The following PLXNC1 variants were observed in gnomAD, a reference collection of about 807,000 sequenced individuals.
PLXNC1 encodes plexin C1, also known as plexin-C1.
In PLXNC1, 75 loss-of-function variants were observed where a neutral mutation model predicts 178.2. The ratio of observed to expected loss-of-function variants is 0.42; its 90% CI spans 0.35 to 0.51. The LOEUF is 0.51. PLXNC1 is among the 20% of genes least tolerant of loss of function. The pLI is 0.02. For synonymous variants in PLXNC1, 790 were observed against 779.9 expected (o/e 1.01, Z -0.22); for missense variants, 1,503 against 1,984.4 (o/e 0.76, Z 4.61).
intron 1 of PLXNC1, among the ~76,000 whole-genome samples, chr12:94,162,855 A>G (rs1279432878): frequency 6.6e-6 from 1 of 152,194 alleles, no homozygotes; most frequent in Non-Finnish European, 1.5e-5. Flanking sequence ...GGTTCTTAAC[A>G]GGGGATAATG....
At chr12:94,230,864 C>T (rs1196253662) in intron 9 of PLXNC1, among the ~76,000 whole-genome samples, 2 of 152,186 alleles carry the variant, frequency 1.3e-5, no homozygotes, top group Non-Finnish European at 2.9e-5. Flanking sequence ...TCCTAGGCGT[C>T]TAGGATCCTG....
At chr12:94,219,911 A>G in intron 5 of PLXNC1, 105 bp from the exon 6 acceptor site, 1 of 938,208 alleles carries the variant, frequency 1.1e-6, no homozygotes, top group Non-Finnish European at 1.6e-6. Context: ...CTTCTGAGAA[A>G]TTCTCCCTCC....
chr12:94,183,784 C>T (rs1234470759), intron 3 of PLXNC1, among the ~76,000 whole-genome samples: 2 of 152,184 alleles, frequency 1.3e-5, no homozygotes, highest in South Asian at 2.1e-4. Context: ...GTTCTAGCCT[C>T]TGATCATTCA....
chr12:94,185,365 A>G (rs1392056736), intron 3 of PLXNC1, among the ~76,000 whole-genome samples: 1 of 152,198 alleles, frequency 6.6e-6, no homozygotes, highest in Non-Finnish European at 1.5e-5. Flanking sequence ...TAACCTGCTA[A>G]AGAAGTTATT....
At chr12:94,238,602 A>G (rs1964303077) in intron 10 of PLXNC1, among the ~76,000 whole-genome samples, 1 of 152,248 alleles carries the variant, frequency 6.6e-6, no homozygotes, top group African/African-American at 2.4e-5. Flanking sequence ...AAGATGTTAC[A>G]GTCTACATAG....
At chr12:94,168,708 A>T (rs546684240) in intron 1 of PLXNC1, among the ~76,000 whole-genome samples, 1 of 152,286 alleles carries the variant, frequency 6.6e-6, no homozygotes, top group East Asian at 1.9e-4. Flanking sequence ...ACCCAACAGG[A>T]TCGTCCGTGT....
At chr12:94,186,299 C>A in intron 3 of PLXNC1, 74 bp from the exon 4 acceptor site, 1 of 1,065,814 alleles carries the variant, frequency 9.4e-7, no homozygotes, top group African/African-American at 1.6e-5. Flanking sequence ...TTTGGCCCTT[C>A]ATTAGATAAG....
chr12:94,298,152 G>C (rs539017774), intron 26 of PLXNC1, among the ~76,000 whole-genome samples: 3 of 152,320 alleles, frequency 2.0e-5, no homozygotes, highest in East Asian at 3.9e-4. Context: ...CTGTCCCATA[G>C]AGCCCAGCCT....
Position 94,250,478 on chromosome 12 carries a change from C to G in PLXNC1, c.2779-948C>G, listed in dbSNP as rs758060657. On this transcript the variant is annotated intron_variant, in intron 14 of 30. Transcript: ENST00000258526. ...GCAGAGCTGGTATGGAGAGCTTCAG[C>G]TATCCGGGTCCAAATCCATCCTCCA... is the stretch of plus-strand genomic sequence containing the variant. 8.5e-4 allele frequency among the ~76,000 whole-genome samples: 129 copies of G among 152,276 alleles called. 1 individual carries two copies. The highest frequency in any genetic ancestry group is 3.4e-3 in the Middle Eastern group (1 of 294).
At chr12:94,251,556 G>T (rs1964689253) in intron 15 of PLXNC1, 28 bp downstream of exon 15, 1 of 1,411,790 alleles carries the variant, frequency 7.1e-7, no homozygotes, top group Non-Finnish European at 1.0e-6. Context: ...TTTTGTCAGA[G>T]AAATTATTCC....
intron 2 of PLXNC1, among the ~76,000 whole-genome samples, chr12:94,175,307 A>G (rs1469254218): frequency 6.6e-6 from 1 of 152,252 alleles, no homozygotes; most frequent in Admixed American, 6.5e-5. Context: ...CCACAGAGTG[A>G]GGCATAGGAA....
chr12:94,194,547 A>G (rs1751602277), intron 4 of PLXNC1, among the ~76,000 whole-genome samples: 1 of 152,200 alleles, frequency 6.6e-6, no homozygotes, highest in Admixed American at 6.5e-5. Context: ...TGAGCCCAGG[A>G]GTTCAAGACC....
At chr12:94,249,497 G>A (rs1446502438) in intron 14 of PLXNC1, among the ~76,000 whole-genome samples, 6 of 152,108 alleles carry the variant, frequency 3.9e-5, no homozygotes, top group Non-Finnish European at 8.8e-5. Flanking sequence ...GCCTCCCAAA[G>A]TGCTGGCATT....
At chr12:94,161,258 G>T (rs115196583) in intron 1 of PLXNC1, among the ~76,000 whole-genome samples, 135 of 152,232 alleles carry the variant, frequency 8.9e-4, no homozygotes, top group African/African-American at 3.2e-3. Flanking sequence ...GGTTTATTTT[G>T]ACAATAGGGA....
Position 94,182,444 on chromosome 12 carries a change from G to A in PLXNC1, c.1338+864G>A, listed in dbSNP as rs1425186413. Among the ~76,000 whole-genome samples, 58 of 128,838 alleles carry A rather than the reference G, an allele frequency of 4.5e-4. 2 individuals carry two copies. Among genetic ancestry groups the A allele is most frequent in the African/African-American group, 1.6e-3 (54 of 33,404 alleles). 84.5% of individuals were successfully genotyped at this position (128,838 alleles called of 152,430 possible). A position where few individuals can be genotyped will look rare whatever the true frequency, so the allele number is the denominator to read the frequency against. On this transcript the variant is annotated intron_variant, in intron 3 of 30. Coordinates refer to ENST00000258526, the MANE Select transcript of PLXNC1 (RefSeq NM_005761.3). Reference sequence around the variant, plus strand: ...AAAAAAAAAAAAAAAAAAAAAAAAAGGCTGGGCATGGTGGCTCACACCTAT... The same window carrying A: ...AAAAAAAAAAAAAAAAAAAAAAAAAAGCTGGGCATGGTGGCTCACACCTAT...
intron 4 of PLXNC1, among the ~76,000 whole-genome samples, chr12:94,194,558 A>T (rs1436883289): frequency 6.6e-6 from 1 of 152,234 alleles, no homozygotes; most frequent in Non-Finnish European, 1.5e-5. Context: ...GTTCAAGACC[A>T]GCCTGGGCAA....
chr12:94,300,390 C>T (rs1432537500), intron 27 of PLXNC1, among the ~76,000 whole-genome samples: 3 of 152,126 alleles, frequency 2.0e-5, no homozygotes, highest in Non-Finnish European at 4.4e-5. Context: ...GCCAAGAGCA[C>T]AAGTTGTGAG....
Position 94,226,635 on chromosome 12 carries a change from G to A in PLXNC1, c.1821G>A (p.Ala607=), listed in dbSNP as rs114617018. 15,528 of 1,613,638 alleles carry A rather than the reference G, an allele frequency of 9.6e-3. 105 individuals are homozygous for A. Among genetic ancestry groups the A allele is most frequent in the Non-Finnish European group, 0.011 (13,495 of 1,179,584 alleles). Residue 607 remains alanine, a synonymous_variant, in exon 8 of 31, where the codon GCG becomes GCA. Transcript: ENST00000258526. The stretch of plus-strand genomic sequence containing the variant: ...CAGCATGCGTAGAAACTGGCTGCGC[G>A]TGGTGTAAAAGTGCAAGAAGGTGTA... ...ECPACVETGC[A]WCKSARRCIH...
In PLXNC1 at chr12:94,148,971, C is replaced by T; in HGVS notation, c.-1C>T. ...TGCCCGGGGGCGGCCCCCCCAGCCC[C>T]ATGGAGGTCTCCCGGAGGAAGGCGC... On this transcript the variant is annotated 5_prime_UTR_variant, in exon 1 of 31. Transcript: ENST00000258526. The surrounding 1 kb of genome is among the most constrained non-coding windows in gnomAD (Gnocchi z 4.8). The T allele has an allele frequency of 7.2e-7, 1 of 1,392,340 alleles. No individual in the cohort carries two copies. The highest frequency in any genetic ancestry group is 1.5e-5 in the South Asian group (1 of 68,052). The allele number at this position is 1,392,340 out of a possible 1,614,324, so 86.2% of individuals were successfully genotyped here. A position where few individuals can be genotyped will look rare whatever the true frequency, so the allele number is the denominator to read the frequency against.
Sources: gnomAD v4.1 joint callset for allele counts (sites outside exome capture counted in the v4.1 genomes callset) on GRCh38, gnomAD v4.1.1 for gene constraint, Gnocchi (gnomAD v3.1) non-coding constraint, MANE v1.5 for transcripts, NCBI Gene and HGNC (gene_info 2026-07-23, HGNC 2026-07-21) for gene names.